HOMER2: variants seen among roughly 807,000 people sequenced by gnomAD.
HOMER2 encodes homer protein homolog 2.
Under a neutral mutation model 47.0 loss-of-function variants are expected in HOMER2, and 27 were observed. That is an observed-to-expected ratio of 0.57 (90% CI 0.42 to 0.79). The LOEUF (loss-of-function observed/expected upper bound fraction) is 0.79. Among genes scored for constraint, HOMER2 ranks in the 30% least tolerant of loss-of-function variants. HOMER2 has a pLI of 0.00. For missense variants in HOMER2, 443 were observed against 435.0 expected, an observed-to-expected ratio of 1.02 and a Z score of -0.16; for synonymous variants, 161 against 163.8, an observed-to-expected ratio of 0.98 and a Z score of 0.13.
chr15:82,935,739 C>A (rs1456204979), intron 1 of HOMER2, among the ~76,000 whole-genome samples: 3 of 152,174 alleles, frequency 2.0e-5, no homozygotes, highest in Admixed American at 6.5e-5. Context: ...TCTCATCCAT[C>A]TGAAGGTTCT....
In HOMER2 at chr15:82,892,767, G is replaced by A. The variant is rs1427645004; in HGVS notation, c.80C>T (p.Ala27Val). Residue 27 changes from alanine to valine, a missense_variant, in exon 2 of 9, where the codon GCG becomes GTG. Transcript: ENST00000450735. The stretch of plus-strand genomic sequence containing the variant: ...GGAAACGGTGACCGCCTGCTTGCTC[G>A]CAGGCATCCAGTTCTTCTTGGTGTT... ...DPNTKKNWMPASKQAVTVSYF... is the reference protein window; with the variant it reads ...DPNTKKNWMPVSKQAVTVSYF... 3.1e-6 allele frequency: 5 copies of A among 1,606,130 alleles called. No homozygotes were observed. Among genetic ancestry groups the A allele is most frequent in the Admixed American group, 1.7e-5 (1 of 59,888 alleles).
At chr15:82,924,405 C>T (rs1260637217) in intron 1 of HOMER2, among the ~76,000 whole-genome samples, 2 of 145,758 alleles carry the variant, frequency 1.4e-5, no homozygotes, top group Admixed American at 7.1e-5. Context: ...ACAGCCCCTG[C>T]TTGTTCCCAT....
chr15:82,901,358 C>T (rs529369837), intron 1 of HOMER2, among the ~76,000 whole-genome samples: 158 of 152,186 alleles, frequency 1.0e-3, no homozygotes, highest in African/African-American at 3.4e-3. Context: ...GTAAACATTA[C>T]GGCGGCAGGG....
chr15:82,918,840 T>A (rs1255937981), intron 1 of HOMER2, among the ~76,000 whole-genome samples: 1 of 152,154 alleles, frequency 6.6e-6, no homozygotes. Flanking sequence ...GGGCCACAGG[T>A]GTGTTGAACT....
chr15:82,849,602 G>A lies in HOMER2; in HGVS notation c.*113C>T, dbSNP rs114462449. On this transcript the variant is annotated 3_prime_UTR_variant, in exon 9 of 9. Transcript: ENST00000450735. Reference sequence around the variant, plus strand: ...GACGGCACAACTGGTTTGGAAACACGACAAACTGCGCCTGCATTTACAGAA... The same window carrying A: ...GACGGCACAACTGGTTTGGAAACACAACAAACTGCGCCTGCATTTACAGAA... 6.9e-4 allele frequency: 619 copies of A among 902,970 alleles called. 4 individuals carry two copies. In the African/African-American group the frequency reaches 8.8e-3, roughly 13 times the overall value. The allele number at this position is 902,970 out of a possible 1,614,324, so 55.9% of individuals were successfully genotyped here.
chr15:82,846,664 C>G (rs998504770), downstream of HOMER2: 1 of 152,228 alleles, frequency 6.6e-6, no homozygotes, highest in African/African-American at 2.4e-5. Flanking sequence ...AGGTGACAGT[C>G]TCTGCCCTGT....
At chr15:82,931,912 A>T (rs894605149) in intron 1 of HOMER2, among the ~76,000 whole-genome samples, 6 of 152,242 alleles carry the variant, frequency 3.9e-5, no homozygotes, top group African/African-American at 1.4e-4. Flanking sequence ...AGTCAAACTC[A>T]ATTAACCAGC....
rs574857278 is a variant in HOMER2, at chr15:82,891,262, C to T, written c.162+1423G>A. The stretch of plus-strand genomic sequence containing the variant: ...CCCGCCCCGGCCTACAAAGCCTCCC[C>T]AGAGGCGTGAACCTGGGCCAGGTCA... On this transcript the variant is annotated intron_variant, in intron 2 of 8. Transcript: ENST00000450735. 2.6e-5 allele frequency among the ~76,000 whole-genome samples: 4 copies of T among 152,274 alleles called. No individual in the cohort carries two copies. The South Asian group carries it at 8.3e-4, about 32-fold the overall frequency.
intron 1 of HOMER2, among the ~76,000 whole-genome samples, chr15:82,933,924 C>A (rs896793466): frequency 2.0e-5 from 3 of 152,152 alleles, no homozygotes; most frequent in Non-Finnish European, 4.4e-5. Context: ...CACCACACTT[C>A]CCTGCCACCC....
chr15:82,966,113 G>T (rs758207915), intron 1 of HOMER2, among the ~76,000 whole-genome samples: 1 of 151,934 alleles, frequency 6.6e-6, no homozygotes, highest in African/African-American at 2.4e-5. Context: ...AAAAAAGAGG[G>T]GTCACTTTAG....
chr15:82,951,975 C>CATCT, intron 1 of HOMER2: 1 of 776,188 alleles, frequency 1.3e-6, no homozygotes, highest in Non-Finnish European at 1.6e-6. Flanking sequence ...CCCTCCTGAG[C>CATCT]ATCTACTCAG....
At chr15:82,979,313 A>G (rs2030314183) in intron 1 of HOMER2, among the ~76,000 whole-genome samples, 1 of 152,220 alleles carries the variant, frequency 6.6e-6, no homozygotes, top group African/African-American at 2.4e-5. Context: ...TCAGCTGCAC[A>G]TTCCAAACTA....
In HOMER2 at chr15:82,877,318, C is replaced by T. The variant is rs183213100; in HGVS notation, c.163-1914G>A. Among the ~76,000 whole-genome samples the T allele has an allele frequency of 6.3e-3, 953 of 152,116 alleles. 11 individuals are homozygous for T. Among genetic ancestry groups the T allele is most frequent in the Non-Finnish European group, 6.3e-3 (429 of 68,004 alleles). ...CTGAGTAGCTGGAATTACAGGTGAC[C>T]GCCACCACACCCGACAAATTTTTGT... is the stretch of plus-strand genomic sequence containing the variant. On this transcript the variant is annotated intron_variant, in intron 2 of 8. Coordinates refer to ENST00000450735, the MANE Select transcript of HOMER2 (RefSeq NM_004839.4).
At chr15:82,921,546 G>A (rs2053729213) in intron 1 of HOMER2, among the ~76,000 whole-genome samples, 1 of 152,196 alleles carries the variant, frequency 6.6e-6, no homozygotes, top group African/African-American at 2.4e-5. Context: ...CACACTCCCA[G>A]TCTTGGCTCT....
chr15:82,975,394 G>A (rs2030165623), intron 1 of HOMER2, among the ~76,000 whole-genome samples: 1 of 151,532 alleles, frequency 6.6e-6, no homozygotes, highest in South Asian at 2.1e-4. Context: ...CAGCATATCA[G>A]AGATATCTAC....
intron 1 of HOMER2, among the ~76,000 whole-genome samples, chr15:82,930,512 A>G (rs768206601): frequency 5.3e-5 from 8 of 152,206 alleles, no homozygotes; most frequent in Non-Finnish European, 1.0e-4. Flanking sequence ...GCCTGAAGAT[A>G]AAGTAGCCTT....
chr15:82,936,229 A>G (rs1196831312), intron 1 of HOMER2, among the ~76,000 whole-genome samples: 1 of 151,692 alleles, frequency 6.6e-6, no homozygotes, highest in African/African-American at 2.4e-5. Context: ...AAATGTCACC[A>G]CCTCTTCAGA....
chr15:82,961,734 T>C (rs1242180567), intron 1 of HOMER2, among the ~76,000 whole-genome samples: 1 of 152,158 alleles, frequency 6.6e-6, no homozygotes, highest in Non-Finnish European at 1.5e-5. Flanking sequence ...CTCACCACTA[T>C]CCATCTCCAG....
upstream of HOMER2, chr15:82,952,783 C>T (rs2054538782): frequency 1.2e-6 from 1 of 865,574 alleles, no homozygotes; most frequent in Non-Finnish European, 1.4e-6. Flanking sequence ...CCAGCCGCTA[C>T]CCCCGCCCGG....
Sources: allele counts gnomAD v4.1 joint callset (sites outside exome capture counted in the v4.1 genomes callset), GRCh38; gene constraint gnomAD v4.1.1; transcripts MANE v1.5; gene names NCBI Gene and HGNC (gene_info 2026-07-23, HGNC 2026-07-21).